BAIAP2L1: variants seen among roughly 807,000 people sequenced by gnomAD.
BAIAP2L1 encodes BAR/IMD domain-containing adapter protein 2-like 1.
BAIAP2L1 carries 35 observed loss-of-function variants against 66.3 expected under a neutral mutation model. The observed-to-expected ratio is 0.53, with a 90% confidence interval of 0.40 to 0.70. The LOEUF (loss-of-function observed/expected upper bound fraction) is 0.70. Ranked by LOEUF, BAIAP2L1 falls within the 30% of genes least tolerant of loss-of-function variation. The pLI is 0.00. For missense variants in BAIAP2L1, 622 were observed against 656.9 expected, an observed-to-expected ratio of 0.95 and a Z score of 0.58; for synonymous variants, 269 against 248.7, an observed-to-expected ratio of 1.08 and a Z score of -0.77.
chr7:98,325,018 G>A (rs1379230934), intron 3 of BAIAP2L1, among the ~76,000 whole-genome samples: 1 of 152,180 alleles, frequency 6.6e-6, no homozygotes, highest in Non-Finnish European at 1.5e-5. Context: ...GAGTCAGACA[G>A]TAAAAAGTGG....
At position 98,292,985 on chromosome 7, in the gene BAIAP2L1, G is replaced by C; in HGVS notation, c.*536C>G. 1 of 1,178,292 alleles carries C rather than the reference G, an allele frequency of 8.5e-7. No individual in the cohort carries two copies. The highest frequency in any genetic ancestry group is 3.6e-5 in the South Asian group (1 of 27,592). The allele number at this position is 1,178,292 out of a possible 1,614,324, so 73.0% of individuals were successfully genotyped here. The stretch of plus-strand genomic sequence containing the variant: ...GAGGGTGGGGGTTTCTCCATCTCTG[G>C]AAGCTCTACACTTAAACATTTTAAG... On this transcript the variant is annotated 3_prime_UTR_variant, in exon 14 of 14. Transcript: ENST00000005260.
chr7:98,313,882 G>A (rs1800972626), intron 7 of BAIAP2L1, among the ~76,000 whole-genome samples: 1 of 150,876 alleles, frequency 6.6e-6, no homozygotes. Context: ...CTCCTGCCTT[G>A]GGCTCCCAAA....
At chr7:98,317,467 T>A (rs1044942947) in intron 5 of BAIAP2L1, 111 bp from the exon 6 acceptor site, 1 of 1,363,000 alleles carries the variant, frequency 7.3e-7, no homozygotes, top group African/African-American at 1.4e-5. Context: ...CCTGACACCC[T>A]CACTTCACAC....
At chr7:98,381,986 C>T (rs1227167230) in intron 1 of BAIAP2L1, among the ~76,000 whole-genome samples, 1 of 144,858 alleles carries the variant, frequency 6.9e-6, no homozygotes, top group Admixed American at 7.2e-5. Context: ...AGTGCAGTGG[C>T]GATATCTCGG....
chr7:98,311,295 G>A (rs1330431944), intron 8 of BAIAP2L1, among the ~76,000 whole-genome samples: 1 of 152,130 alleles, frequency 6.6e-6, no homozygotes, highest in African/African-American at 2.4e-5. Flanking sequence ...TGTAACCCCA[G>A]CACTTTGGGA....
rs1368947839 is a variant in BAIAP2L1 at position 98,370,719 on chromosome 7, T to TTAG, written c.52-8288_52-8287insCTA. ...GGTTTCACCATGTTAGCCAGGATGG[T>TTAG]CTCGATCTCCTGACCTCATGATCCG... On this transcript the variant is annotated intron_variant, in intron 1 of 13. Transcript: ENST00000005260. Among the ~76,000 whole-genome samples the TTAG allele has an allele frequency of 8.7e-3, 1,318 of 152,202 alleles. 19 individuals are homozygous for TTAG. The highest frequency in any genetic ancestry group is 0.03 in the African/African-American group (1,254 of 41,536).
chr7:98,296,261 C>T (rs1424867787), intron 12 of BAIAP2L1, among the ~76,000 whole-genome samples: 2 of 152,348 alleles, frequency 1.3e-5, no homozygotes, highest in South Asian at 2.1e-4. Context: ...GCTGGGTATA[C>T]GGAGTCACAT....
At chr7:98,353,530 A>C (rs1421130110) in intron 3 of BAIAP2L1, among the ~76,000 whole-genome samples, 1 of 134,706 alleles carries the variant, frequency 7.4e-6, no homozygotes, top group East Asian at 2.0e-4. Context: ...TATATTTATA[A>C]ATATACATAT....
chr7:98,310,673 T>A, intron 8 of BAIAP2L1, 81 bp from the exon 9 acceptor site: 1 of 1,080,382 alleles, frequency 9.3e-7, no homozygotes, highest in East Asian at 3.0e-5. Context: ...GTTTTTTTTT[T>A]TTAAATAATA....
chr7:98,354,319 A>G (rs1249079521), intron 3 of BAIAP2L1, among the ~76,000 whole-genome samples: 1 of 151,592 alleles, frequency 6.6e-6, no homozygotes, highest in Non-Finnish European at 1.5e-5. Context: ...TCCCCTTCCT[A>G]CTTCTTAACT....
chr7:98,329,425 G>C (rs980665893), intron 3 of BAIAP2L1, among the ~76,000 whole-genome samples: 1 of 152,116 alleles, frequency 6.6e-6, no homozygotes, highest in African/African-American at 2.4e-5. Context: ...AAACTTCAGG[G>C]GGTCAGTCTT....
intron 12 of BAIAP2L1, among the ~76,000 whole-genome samples, chr7:98,297,134 T>C (rs545731459): frequency 2.6e-5 from 4 of 152,288 alleles, no homozygotes; most frequent in African/African-American, 4.8e-5. Flanking sequence ...CTGGAGACTA[T>C]AGAGCGAGGC....
chr7:98,352,745 GTGT>G (rs1194992389), intron 3 of BAIAP2L1, among the ~76,000 whole-genome samples: 1 of 152,194 alleles, frequency 6.6e-6, no homozygotes, highest in East Asian at 1.9e-4. Flanking sequence ...TTCTAAGCCT[GTGT>G]TGTTTATACC....
Position 98,304,214 on chromosome 7 carries a change from C to G in BAIAP2L1, c.1404G>C (p.Lys468Asn). Residue 468 changes from lysine to asparagine, a missense_variant, in exon 12 of 14, where the codon AAG (lysine) becomes AAC (asparagine). Transcript: ENST00000005260. ...TTSTFKAPAS[K>N]PETAAPNDAN... ...TACTCACAGGAGCCGCGGTCTCGGGCTTGGACGCTGGGGCCTTAAAGGTGG... is the reference window on the plus strand; with the variant it reads ...TACTCACAGGAGCCGCGGTCTCGGGGTTGGACGCTGGGGCCTTAAAGGTGG... 6.2e-7 allele frequency: 1 copy of G among 1,605,666 alleles called. No homozygotes were observed. Among genetic ancestry groups the G allele is most frequent in the Non-Finnish European group, 8.5e-7 (1 of 1,175,774 alleles).
intron 1 of BAIAP2L1, among the ~76,000 whole-genome samples, chr7:98,397,196 C>G (rs1803231444): frequency 2.0e-5 from 3 of 151,730 alleles, no homozygotes; most frequent in African/African-American, 7.3e-5. Flanking sequence ...TCTGAGCATA[C>G]TTCCTTGAGG....
intron 1 of BAIAP2L1, among the ~76,000 whole-genome samples, chr7:98,364,693 A>G (rs1802350633): frequency 1.3e-5 from 2 of 152,130 alleles, no homozygotes; most frequent in Admixed American, 6.6e-5. Flanking sequence ...TTTTTAAGAC[A>G]TCACTTGGTC....
chr7:98,319,567 G>A (rs1319707609), intron 5 of BAIAP2L1, among the ~76,000 whole-genome samples: 2 of 134,210 alleles, frequency 1.5e-5, no homozygotes, highest in Non-Finnish European at 3.2e-5. Flanking sequence ...TTTTTTTTGA[G>A]ATGGAGTCTT....
At chr7:98,369,456 C>T (rs575652311) in intron 1 of BAIAP2L1, among the ~76,000 whole-genome samples, 66 of 152,032 alleles carry the variant, frequency 4.3e-4, no homozygotes, top group South Asian at 8.3e-4. Flanking sequence ...CCAGCCTGGG[C>T]GATAAAGCGA....
At chr7:98,365,527 G>A (rs775958053) in intron 1 of BAIAP2L1, among the ~76,000 whole-genome samples, 1 of 152,214 alleles carries the variant, frequency 6.6e-6, no homozygotes, top group Non-Finnish European at 1.5e-5. Context: ...ATGGAGTGCA[G>A]TGGTGTGATC....
Sources: gnomAD v4.1 joint callset for allele counts (sites outside exome capture counted in the v4.1 genomes callset) on GRCh38, gnomAD v4.1.1 for gene constraint, MANE v1.5 for transcripts, NCBI Gene and HGNC (gene_info 2026-07-23, HGNC 2026-07-21) for gene names.